Variants in TMEM178B observed in about 807,000 individuals in gnomAD.
TMEM178B encodes transmembrane protein 178B.
Under a neutral mutation model 31.0 loss-of-function variants are expected in TMEM178B, and 5 were observed. The ratio of observed to expected loss-of-function variants is 0.16; its 90% CI spans 0.08 to 0.34. The LOEUF is 0.34. TMEM178B is among the 10% of genes least tolerant of loss of function. The probability of loss-of-function intolerance (pLI) is 1.00; values close to 1 mark genes in which losing one functional copy is unlikely to be tolerated. For missense variants in TMEM178B, 275 were observed against 400.3 expected, an observed-to-expected ratio of 0.69 and a Z score of 2.67; for synonymous variants, 164 against 164.0, an observed-to-expected ratio of 1.00 and a Z score of 0.00.
rs200644068 is a variant in TMEM178B, at chr7:141,255,966, T to TCATC, written c.496+43283_496+43286dup. ...CATACCTAGGCGTGAGAGAAACCTGTCATCCATCCATCCATCCATCCATCT... is the reference window on the plus strand; with the variant it reads ...CATACCTAGGCGTGAGAGAAACCTGTCATCCATCCATCCATCCATCCATCCATCT... On this transcript the variant is annotated intron_variant, in intron 2 of 3. Transcript: ENST00000565468. Among the ~76,000 whole-genome samples, 565 of 152,096 alleles carry TCATC rather than the reference T, an allele frequency of 3.7e-3. 3 individuals carry two copies. Among genetic ancestry groups the TCATC allele is most frequent in the African/African-American group, 0.012 (481 of 41,508 alleles).
chr7:141,314,941 A>G (rs1798975764), intron 2 of TMEM178B, among the ~76,000 whole-genome samples: 1 of 152,206 alleles, frequency 6.6e-6, no homozygotes, highest in Non-Finnish European at 1.5e-5. Flanking sequence ...TCACAATCAT[A>G]TCACAGGTAT....
At chr7:141,305,286 T>C (rs886106106) in intron 2 of TMEM178B, among the ~76,000 whole-genome samples, 1 of 152,210 alleles carries the variant, frequency 6.6e-6, no homozygotes, top group African/African-American at 2.4e-5. Context: ...CCAATGCTCA[T>C]AGAACACATT....
intron 1 of TMEM178B, chr7:141,173,222 TC>T (rs1399062432): frequency 2.0e-5 from 3 of 152,208 alleles, no homozygotes; most frequent in Non-Finnish European, 1.5e-5. Context: ...AGTTTGCCTT[TC>T]CCCTTAAGGA....
At chr7:141,406,706 A>G (rs971277909) in intron 2 of TMEM178B, among the ~76,000 whole-genome samples, 6 of 152,246 alleles carry the variant, frequency 3.9e-5, no homozygotes, top group African/African-American at 1.4e-4. Context: ...AGGAGGAGAA[A>G]GAAGCAGTTT....
intron 2 of TMEM178B, among the ~76,000 whole-genome samples, chr7:141,271,488 A>G (rs2116380213): frequency 6.6e-6 from 1 of 152,266 alleles, no homozygotes; most frequent in South Asian, 2.1e-4. Context: ...TCATCATGAG[A>G]TGGGCCCCAG....
intron 1 of TMEM178B, among the ~76,000 whole-genome samples, chr7:141,143,253 C>T (rs1461773856): frequency 6.6e-6 from 1 of 152,152 alleles, no homozygotes; most frequent in Non-Finnish European, 1.5e-5. Context: ...GTTTTTGTAG[C>T]AATTGCTTTT....
At chr7:141,316,552 CTGTGTG>C (rs74917510) in intron 2 of TMEM178B, among the ~76,000 whole-genome samples, 3 of 150,680 alleles carry the variant, frequency 2.0e-5, no homozygotes, top group African/African-American at 2.4e-5. Flanking sequence ...CTCTGGACTG[CTGTGTG>C]TGTGTGTGTG....
At chr7:141,226,930 G>A (rs1440433344) in intron 2 of TMEM178B, among the ~76,000 whole-genome samples, 2 of 151,928 alleles carry the variant, frequency 1.3e-5, no homozygotes, top group African/African-American at 4.8e-5. Context: ...AATTGAAGGA[G>A]AGAGGCCTGG....
intron 1 of TMEM178B, among the ~76,000 whole-genome samples, chr7:141,109,599 G>C (rs959522600): frequency 1.3e-5 from 2 of 152,176 alleles, no homozygotes; most frequent in South Asian, 2.1e-4. Flanking sequence ...GCAAGGGGGG[G>C]ACTGTGTCTT....
At chr7:141,114,507 T>A (rs1795287534) in intron 1 of TMEM178B, among the ~76,000 whole-genome samples, 1 of 152,280 alleles carries the variant, frequency 6.6e-6, no homozygotes, top group Non-Finnish European at 1.5e-5. Context: ...TATCTGGAGA[T>A]GCAAAGGAGT....
At chr7:141,396,442 G>A (rs757498077) in intron 2 of TMEM178B, among the ~76,000 whole-genome samples, 4 of 152,174 alleles carry the variant, frequency 2.6e-5, no homozygotes, top group Non-Finnish European at 4.4e-5. Context: ...CTGGTTCTGC[G>A]GCATTTGCCG....
intron 1 of TMEM178B, among the ~76,000 whole-genome samples, chr7:141,148,613 T>C (rs903322254): frequency 1.3e-5 from 2 of 152,232 alleles, no homozygotes; most frequent in African/African-American, 4.8e-5. Flanking sequence ...CCTATTGGAC[T>C]TGAAAATCAA....
chr7:141,442,648 T>G (rs1801681979), intron 3 of TMEM178B, among the ~76,000 whole-genome samples: 2 of 152,192 alleles, frequency 1.3e-5, no homozygotes, highest in South Asian at 4.1e-4. Context: ...GCACATAGTG[T>G]TTCCTTGTAA....
intron 2 of TMEM178B, among the ~76,000 whole-genome samples, chr7:141,271,112 C>T (rs1042049818): frequency 6.6e-6 from 1 of 152,170 alleles, no homozygotes; most frequent in Admixed American, 6.5e-5. Flanking sequence ...CCCTGAGTAA[C>T]AGAGGAGTCC....
intron 3 of TMEM178B, among the ~76,000 whole-genome samples, chr7:141,456,411 A>G (rs1387256774): frequency 6.6e-6 from 1 of 152,148 alleles, no homozygotes; most frequent in East Asian, 1.9e-4. Flanking sequence ...ACACCCTTGT[A>G]TGTTGTAGCT....
At chr7:141,390,676 A>G (rs1463036761) in intron 2 of TMEM178B, among the ~76,000 whole-genome samples, 1 of 152,234 alleles carries the variant, frequency 6.6e-6, no homozygotes, top group Non-Finnish European at 1.5e-5. Context: ...CATTTTAGAC[A>G]TAGCTTGGGA....
At chr7:141,400,319 C>T (rs1056065792) in intron 2 of TMEM178B, among the ~76,000 whole-genome samples, 2 of 152,226 alleles carry the variant, frequency 1.3e-5, no homozygotes, top group African/African-American at 4.8e-5. Flanking sequence ...TATATACTCT[C>T]TTCATTTCAC....
At chr7:141,375,456 A>C (rs2116577371) in intron 2 of TMEM178B, among the ~76,000 whole-genome samples, 1 of 152,340 alleles carries the variant, frequency 6.6e-6, no homozygotes, top group Non-Finnish European at 1.5e-5. Context: ...AGAGTTACAA[A>C]TATAGTAGAA....
intron 3 of TMEM178B, among the ~76,000 whole-genome samples, chr7:141,458,145 A>T (rs1166215268): frequency 6.6e-6 from 1 of 152,148 alleles, no homozygotes; most frequent in Admixed American, 6.5e-5. Flanking sequence ...TTTGAGATGA[A>T]ATCTCACTCT....
Sources: allele counts gnomAD v4.1 joint callset (sites outside exome capture counted in the v4.1 genomes callset), GRCh38; gene constraint gnomAD v4.1.1; transcripts MANE v1.5; gene names NCBI Gene and HGNC (gene_info 2026-07-23, HGNC 2026-07-21).